The following POLR3E variants were observed in gnomAD, a reference collection of about 807,000 sequenced individuals.
POLR3E encodes the protein RNA polymerase III subunit E.
In POLR3E, 41 loss-of-function variants were observed where a neutral mutation model predicts 96.6. The ratio of observed to expected loss-of-function variants is 0.42; its 90% CI spans 0.33 to 0.55. POLR3E has a LOEUF of 0.55. POLR3E is among the 20% of genes least tolerant of loss of function. POLR3E has a pLI of 0.06. For synonymous variants in POLR3E, 396 were observed against 383.6 expected (o/e 1.03, Z -0.38); for missense variants, 849 against 952.1 (o/e 0.89, Z 1.43).
chr16:22,303,713 T>C (rs1374610654), intron 2 of POLR3E, among the ~76,000 whole-genome samples: 1 of 148,150 alleles, frequency 6.7e-6, no homozygotes, highest in African/African-American at 2.5e-5. Context: ...CCATCTCGGC[T>C]CACTGCAACC....
rs1382408280 is a variant in POLR3E, at chr16:22,334,772, T to C, written c.*1072T>C. 2 of 152,204 alleles carry C rather than the reference T, an allele frequency of 1.3e-5. No homozygotes were observed. Among genetic ancestry groups the C allele is most frequent in the Non-Finnish European group, 2.9e-5 (2 of 68,032 alleles). 9.4% of individuals were successfully genotyped at this position (152,204 alleles called of 1,614,324 possible). A position where few individuals can be genotyped will look rare whatever the true frequency, so the allele number is the denominator to read the frequency against. On this transcript the variant is annotated 3_prime_UTR_variant, in exon 21 of 21. Transcript: ENST00000299853. Reference sequence around the variant, plus strand: ...CCACATGGGGCTATTTGCGACAGTATTGGATAGCACAGCCCTAGAAACTGA... The same window carrying C: ...CCACATGGGGCTATTTGCGACAGTACTGGATAGCACAGCCCTAGAAACTGA...
Position 22,325,187 on chromosome 16 carries a change from G to T in POLR3E, c.1287-18G>T, listed in dbSNP as rs776819512. The T allele has an allele frequency of 1.2e-5, 19 of 1,599,448 alleles. No individual in the cohort carries two copies. Among genetic ancestry groups the T allele is most frequent in the East Asian group, 1.1e-4 (5 of 44,808 alleles). On this transcript the variant is annotated intron_variant, in intron 16 of 20. Coordinates refer to ENST00000299853, the MANE Select transcript of POLR3E (RefSeq NM_018119.4). The stretch of plus-strand genomic sequence containing the variant: ...AGGGGACGTGGTTTAAAGTTAATGG[G>T]GTTACTCTTCTTTTCAGACTGGAAA...
Position 22,322,064 on chromosome 16 carries a change from C to T in POLR3E, c.987-786C>T, listed in dbSNP as rs1391017930. Among the ~76,000 whole-genome samples the T allele has an allele frequency of 6.6e-6, 1 of 152,232 alleles. No individual in the cohort carries two copies. The highest frequency in any genetic ancestry group is 1.5e-5 in the Non-Finnish European group (1 of 68,036). On this transcript the variant is annotated intron_variant, in intron 13 of 20. Coordinates refer to ENST00000299853, the MANE Select transcript of POLR3E (RefSeq NM_018119.4). This position sits in a 1 kb window ranked among gnomAD's most constrained non-coding sequence, Gnocchi z 5.2. ...ACCAGGTTTGTTTGGTCAGCACACA[C>T]TTAATAGGTACCTTCGCTGTGGTGG...
chr16:22,309,982 C>G (rs2048212408), intron 6 of POLR3E: 1 of 168,360 alleles, frequency 5.9e-6, no homozygotes, highest in Admixed American at 5.7e-5. Context: ...CATGGAGAAA[C>G]AGAATGTGGT....
Position 22,324,544 on chromosome 16 carries a change from C to T in POLR3E, c.1170C>T (p.Ala390=), listed in dbSNP as rs754102552. 1.4e-5 allele frequency: 23 copies of T among 1,612,700 alleles called. No individual in the cohort carries two copies. Among genetic ancestry groups the T allele is most frequent in the African/African-American group, 4.0e-5 (3 of 74,602 alleles). Residue 390 remains alanine (A), a synonymous_variant, in exon 16 of 21, where the codon GCC becomes GCT. Transcript: ENST00000299853. ...EDVKDFLEHM[A]VVRINKGWEF... ...TGAAGGACTTCCTGGAGCACATGGC[C>T]GTGGTGAGGATCAACAAAGGCTGGG...
intron 2 of POLR3E, among the ~76,000 whole-genome samples, chr16:22,304,011 A>G (rs761149597): frequency 1.3e-5 from 2 of 151,864 alleles, no homozygotes; most frequent in Non-Finnish European, 2.9e-5. Flanking sequence ...GGATTTCACC[A>G]TGATAGCCAG....
In POLR3E at chr16:22,324,524, G is replaced by C. The variant is rs756248773; in HGVS notation, c.1150G>C (p.Asp384His). Residue 384 changes from aspartate (D) to histidine (H), a missense_variant, in exon 16 of 21, where the codon GAC becomes CAC. By Grantham distance (81) the Asp-to-His change is moderately conservative. Coordinates refer to ENST00000299853, the MANE Select transcript of POLR3E (RefSeq NM_018119.4). Reference protein sequence around the residue: ...VTKLCAEDVKDFLEHMAVVRI... With the variant: ...VTKLCAEDVKHFLEHMAVVRI... The stretch of plus-strand genomic sequence containing the variant: ...CCAGCTCTGCGCCGAGGATGTGAAG[G>C]ACTTCCTGGAGCACATGGCCGTGGT... The C allele has an allele frequency of 5.1e-5, 82 of 1,612,302 alleles. No individual in the cohort carries two copies. The highest frequency in any genetic ancestry group is 6.9e-5 in the Non-Finnish European group (81 of 1,179,304).
At position 22,326,021 on chromosome 16, in the gene POLR3E, G is replaced by A. The variant is rs139179088; in HGVS notation, c.1609G>A (p.Gly537Arg). 1.7e-5 allele frequency: 28 copies of A among 1,600,160 alleles called. No individual in the cohort carries two copies. The highest frequency in any genetic ancestry group is 1.7e-4 in the Middle Eastern group (1 of 6,016). ...CAAGCTGGCCAACGGGCTGCCTCTC[G>A]GGCGGGCTGCGGGCACAGACAGCTT... ...HSKLANGLPL[G>R]RAAGTDSFNG... Residue 537 changes from glycine to arginine, a missense_variant, in exon 18 of 21, where the codon GGG becomes AGG. Gly to Arg is a moderately radical substitution (Grantham distance 125). Transcript: ENST00000299853.
At chr16:22,331,904 G>T in intron 19 of POLR3E, 156 bp from the exon 20 acceptor site, 1 of 667,888 alleles carries the variant, frequency 1.5e-6, no homozygotes, top group Non-Finnish European at 2.6e-6. Context: ...TGGGTCTCTA[G>T]AGATGACTTG....
chr16:22,303,266 C>G (rs894212661), intron 2 of POLR3E, among the ~76,000 whole-genome samples: 3 of 152,130 alleles, frequency 2.0e-5, no homozygotes, highest in Non-Finnish European at 4.4e-5. Context: ...CTCCTGCACC[C>G]TCCCGTGCCT....
intron 12 of POLR3E, among the ~76,000 whole-genome samples, chr16:22,317,589 G>A (rs753753258): frequency 6.6e-6 from 1 of 152,120 alleles, no homozygotes; most frequent in Non-Finnish European, 1.5e-5. Context: ...TCAGAGAGAG[G>A]AGGCTTCTAA....
At chr16:22,328,786 G>A in intron 19 of POLR3E, 199 bp downstream of exon 19, 1 of 552,756 alleles carries the variant, frequency 1.8e-6, no homozygotes, top group East Asian at 3.2e-5. Flanking sequence ...CTAAACCAGT[G>A]GTTCCCAGAT....
intron 5 of POLR3E, 89 bp downstream of exon 5, chr16:22,309,129 C>T (rs2048192876): frequency 5.8e-6 from 5 of 869,062 alleles, no homozygotes; most frequent in Admixed American, 2.1e-5. Flanking sequence ...CCCTTTGCCC[C>T]GTCACTGGGC....
chr16:22,298,745 G>C (rs1451744589), intron 1 of POLR3E, among the ~76,000 whole-genome samples: 1 of 152,108 alleles, frequency 6.6e-6, no homozygotes. Context: ...CCTCAGTCTC[G>C]TCATTTCCAA....
At chr16:22,310,948 T>C (rs150886086) in intron 6 of POLR3E, among the ~76,000 whole-genome samples, 1 of 152,286 alleles carries the variant, frequency 6.6e-6, no homozygotes, top group African/African-American at 2.4e-5. Context: ...AATAAAGATA[T>C]ATTTTTCATA....
chr16:22,316,949 C>T (rs1345738953), intron 10 of POLR3E, 46 bp from the exon 11 acceptor site: 2 of 1,605,152 alleles, frequency 1.2e-6, no homozygotes, highest in Admixed American at 3.3e-5. Flanking sequence ...GAGGAGGGTC[C>T]AGCCTGGATC....
At position 22,328,384 on chromosome 16, in the gene POLR3E, T is replaced by G. The variant is rs1034183182; in HGVS notation, c.1867-126T>G. The G allele has an allele frequency of 1.4e-5, 11 of 759,920 alleles. No homozygotes were observed. The Admixed American group carries it at 2.2e-4, about 15-fold the overall frequency. The allele number at this position is 759,920 out of a possible 1,614,324, so 47.1% of individuals were successfully genotyped here. On this transcript the variant is annotated intron_variant, in intron 18 of 20. Transcript: ENST00000299853. ...GCCCAAGGCCCTCAGAGATGGTGAG[T>G]AGCAGAAGCTGGGATTGGAACCCAT...
At chr16:22,305,327 C>A in intron 3 of POLR3E, 121 bp downstream of exon 3, 2 of 788,778 alleles carry the variant, frequency 2.5e-6, no homozygotes, top group South Asian at 1.4e-5. Flanking sequence ...TGGAGAGTGT[C>A]ATGGGGTCTC....
rs778566414 is a variant in POLR3E at position 22,318,869 on chromosome 16, C to G, written c.909C>G (p.Pro303=). ...PFANLMSLLG[P]SIDSVAVLRG... is the part of the protein sequence containing the mutation. ...CCAACTTGATGAGCCTCCTGGGCCC[C>G]TCCATCGATTCCGTGGCTGTTCTGC... is the stretch of plus-strand genomic sequence containing the variant. The change falls in exon 13 of 21, where the codon CCC becomes CCG. Residue 303 remains proline (P), a synonymous_variant. Transcript: ENST00000299853. The surrounding 1 kb of genome is among the most constrained non-coding windows in gnomAD (Gnocchi z 5.0). The G allele has an allele frequency of 6.2e-7, 1 of 1,613,720 alleles. No individual in the cohort carries two copies. The highest frequency in any genetic ancestry group is 1.1e-5 in the South Asian group (1 of 91,050).
Sources: gnomAD v4.1 joint callset for allele counts (sites outside exome capture counted in the v4.1 genomes callset) on GRCh38, gnomAD v4.1.1 for gene constraint, Gnocchi (gnomAD v3.1) non-coding constraint, MANE v1.5 for transcripts, NCBI Gene and HGNC (gene_info 2026-07-23, HGNC 2026-07-21) for gene names.